Variants in WWOX observed in about 807,000 individuals in gnomAD.
The protein encoded by WWOX is WW domain-containing oxidoreductase.
A neutral mutation model predicts 46.2 loss-of-function variants in WWOX; 69 were observed. The observed-to-expected ratio is 1.49, with a 90% CI of 1.23 to 1.82. The LOEUF (loss-of-function observed/expected upper bound fraction) is 1.82. WWOX is among the 40% of genes most tolerant of loss of function. The pLI is 0.00. For synonymous variants in WWOX, 359 were observed against 202.6 expected, an observed-to-expected ratio of 1.77 and a Z score of -6.56; for missense variants, 919 against 542.6, an observed-to-expected ratio of 1.69 and a Z score of -6.89.
chr16:78,323,109 T>C (rs2080523926), intron 5 of WWOX, among the ~76,000 whole-genome samples: 2 of 152,144 alleles, frequency 1.3e-5, no homozygotes, highest in Admixed American at 6.5e-5. Flanking sequence ...CTTGTATTTT[T>C]TTTTGTTTGT....
chr16:78,550,207 T>C (rs939799795), intron 8 of WWOX, among the ~76,000 whole-genome samples: 4 of 152,246 alleles, frequency 2.6e-5, no homozygotes, highest in Non-Finnish European at 5.9e-5. Flanking sequence ...ATCATTCCAT[T>C]TATACTCAGA....
At chr16:78,641,977 G>A (rs1018816290) in intron 8 of WWOX, among the ~76,000 whole-genome samples, 12 of 152,100 alleles carry the variant, frequency 7.9e-5, no homozygotes, top group African/African-American at 2.4e-4. Flanking sequence ...ATCAAGAGCC[G>A]TAAGTCCTTG....
rs374123188 is a variant in WWOX, at chr16:78,154,709, G to C, written c.410-9474G>C. 2.8e-4 allele frequency among the ~76,000 whole-genome samples: 42 copies of C among 152,070 alleles called. No homozygotes were observed. The South Asian group carries it at 8.5e-3, about 31-fold the overall frequency. On this transcript the variant is annotated intron_variant, in intron 4 of 8. Coordinates refer to ENST00000566780, the MANE Select transcript of WWOX (RefSeq NM_016373.4). ...TCCACGCAAAGCCAAGTGCTACTGC[G>C]GGGTTTTCCAAGGCATAGCTAGCAT...
intron 8 of WWOX, among the ~76,000 whole-genome samples, chr16:78,774,817 C>G (rs900027752): frequency 2.0e-5 from 3 of 152,270 alleles, no homozygotes; most frequent in Admixed American, 1.3e-4. Flanking sequence ...CCCAGGAGAT[C>G]TTGTGCTTCC....
intron 8 of WWOX, among the ~76,000 whole-genome samples, chr16:78,818,620 A>G (rs1225663421): frequency 6.6e-6 from 1 of 152,146 alleles, no homozygotes; most frequent in Non-Finnish European, 1.5e-5. Flanking sequence ...AGTCCTAGCT[A>G]CTCAGGAGAC....
intron 8 of WWOX, among the ~76,000 whole-genome samples, chr16:78,725,900 C>G (rs1242221436): frequency 6.6e-6 from 1 of 152,154 alleles, no homozygotes; most frequent in East Asian, 1.9e-4. Context: ...GTCTCTCTGT[C>G]TCTACTCCTT....
At chr16:79,028,449 A>G (rs930446981) in intron 8 of WWOX, among the ~76,000 whole-genome samples, 2 of 151,896 alleles carry the variant, frequency 1.3e-5, no homozygotes, top group Non-Finnish European at 2.9e-5. Flanking sequence ...TGATTAGGAC[A>G]TTTTACTGAA....
At chr16:78,684,139 G>C (rs774049846) in intron 8 of WWOX, among the ~76,000 whole-genome samples, 1 of 152,100 alleles carries the variant, frequency 6.6e-6, no homozygotes, top group Non-Finnish European at 1.5e-5. Context: ...AGCTGTCCCT[G>C]CTGCAACAGG....
chr16:78,956,699 T>C (rs780658484), intron 8 of WWOX, among the ~76,000 whole-genome samples: 10 of 152,168 alleles, frequency 6.6e-5, no homozygotes, highest in Non-Finnish European at 1.3e-4. Context: ...TGTGCACACA[T>C]CAAAAATTCC....
At chr16:78,477,625 A>G (rs2084383090) in intron 8 of WWOX, among the ~76,000 whole-genome samples, 1 of 152,194 alleles carries the variant, frequency 6.6e-6, no homozygotes, top group Admixed American at 6.5e-5. Context: ...TTTTTTTTCA[A>G]TTTGATAATT....
chr16:78,973,313 C>G (rs1207924170), intron 8 of WWOX, among the ~76,000 whole-genome samples: 1 of 152,046 alleles, frequency 6.6e-6, no homozygotes, highest in Non-Finnish European at 1.5e-5. Context: ...TACTTATGTT[C>G]CCTAGTGGAG....
intron 8 of WWOX, chr16:78,551,847 C>T (rs138095902): frequency 6.6e-6 from 1 of 152,224 alleles, no homozygotes; most frequent in African/African-American, 2.4e-5. Context: ...AAACCACTTT[C>T]AGCTTTCCCG....
chr16:78,980,198 C>A (rs2046653883), intron 8 of WWOX, among the ~76,000 whole-genome samples: 2 of 152,188 alleles, frequency 1.3e-5, no homozygotes, highest in Admixed American at 1.3e-4. Context: ...CTGAATCATA[C>A]CTATCCTTCA....
chr16:78,439,111 A>C (rs567408556), intron 8 of WWOX, among the ~76,000 whole-genome samples: 4 of 152,170 alleles, frequency 2.6e-5, no homozygotes, highest in Non-Finnish European at 4.4e-5. Flanking sequence ...CCCTGTTTGA[A>C]TGTGTATTGG....
chr16:79,158,547 C>T (rs1329708942), intron 8 of WWOX, among the ~76,000 whole-genome samples: 1 of 152,178 alleles, frequency 6.6e-6, no homozygotes, highest in African/African-American at 2.4e-5. Context: ...TGACCCTTTC[C>T]ACATATGCTG....
chr16:79,153,933 A>G (rs1203548510), intron 8 of WWOX, among the ~76,000 whole-genome samples: 1 of 152,100 alleles, frequency 6.6e-6, no homozygotes, highest in Non-Finnish European at 1.5e-5. Context: ...GCCAGGCTGG[A>G]CTGTCCACAA....
At position 78,899,987 on chromosome 16, in the gene WWOX, C is replaced by G. The variant is rs534484932; in HGVS notation, c.1057-311621C>G. Among the ~76,000 whole-genome samples the G allele has an allele frequency of 2.7e-5, 4 of 150,366 alleles. No individual in the cohort carries two copies. In the South Asian group the frequency reaches 8.4e-4, roughly 32 times the overall value. ...CCTTGATAATTAGGTTTGTTAAATT[C>G]AGGACTTTAAGCTTATATTCCCTCC... On this transcript the variant is annotated intron_variant, in intron 8 of 8. Transcript: ENST00000566780.
chr16:78,236,862 G>A (rs1480638807), intron 5 of WWOX, among the ~76,000 whole-genome samples: 2 of 152,028 alleles, frequency 1.3e-5, no homozygotes, highest in East Asian at 3.9e-4. Flanking sequence ...GGATCACGAG[G>A]TCAGGAGTTG....
At chr16:79,000,259 C>T (rs1006480596) in intron 8 of WWOX, among the ~76,000 whole-genome samples, 3 of 152,192 alleles carry the variant, frequency 2.0e-5, no homozygotes, top group Non-Finnish European at 2.9e-5. Flanking sequence ...TCTCCTCCTT[C>T]CTTTAGATCC....
Sources: allele counts gnomAD v4.1 joint callset (sites outside exome capture counted in the v4.1 genomes callset), GRCh38; gene constraint gnomAD v4.1.1; transcripts MANE v1.5; gene names NCBI Gene and HGNC (gene_info 2026-07-23, HGNC 2026-07-21).